DYRK1A: variants seen among roughly 807,000 people sequenced by gnomAD.
The protein encoded by DYRK1A is dual specificity tyrosine-phosphorylation-regulated kinase 1A.
DYRK1A carries 9 observed loss-of-function variants against 79.7 expected under a neutral mutation model. That is an observed-to-expected ratio of 0.11 (90% CI 0.07 to 0.20). The LOEUF (loss-of-function observed/expected upper bound fraction) is 0.20. Among genes scored for constraint, DYRK1A ranks in the 10% least tolerant of loss-of-function variants. The probability of loss-of-function intolerance (pLI) is 1.00; values close to 1 mark genes in which losing one functional copy is unlikely to be tolerated. For missense variants in DYRK1A, 622 were observed against 956.0 expected (o/e 0.65, Z 4.61); for synonymous variants, 349 against 329.7 (o/e 1.06, Z -0.63).
intron 2 of DYRK1A, among the ~76,000 whole-genome samples, chr21:37,453,216 T>A (rs9981091): frequency 0.29 from 43,649 of 152,072 alleles, 6,418 homozygotes; most frequent in South Asian, 0.38. Context: ...ATAAAAAAAA[T>A]TGAGGTATTT....
chr21:37,389,324 C>T (rs1208861163), intron 1 of DYRK1A, among the ~76,000 whole-genome samples: 6 of 151,002 alleles, frequency 4.0e-5, no homozygotes, highest in Non-Finnish European at 7.4e-5. Flanking sequence ...CCACCATGCC[C>T]GACTAATTTT....
intron 3 of DYRK1A, among the ~76,000 whole-genome samples, chr21:37,476,823 C>CA (rs1569358878): frequency 1.0e-5 from 1 of 99,542 alleles, no homozygotes. Flanking sequence ...AGGGTTCCCC[C>CA]CCCCCCCAAC....
chr21:37,447,318 A>G (rs1170057747), intron 2 of DYRK1A, among the ~76,000 whole-genome samples: 1 of 152,174 alleles, frequency 6.6e-6, no homozygotes, highest in African/African-American at 2.4e-5. Flanking sequence ...ATAAATAAAT[A>G]TATTTTATGA....
At chr21:37,405,831 G>A (rs913151008) in intron 1 of DYRK1A, among the ~76,000 whole-genome samples, 1 of 152,176 alleles carries the variant, frequency 6.6e-6, no homozygotes. Flanking sequence ...CACAGTGACA[G>A]CAAGCCTCAC....
chr21:37,425,427 A>G (rs1239041865), intron 2 of DYRK1A, among the ~76,000 whole-genome samples: 1 of 151,172 alleles, frequency 6.6e-6, no homozygotes, highest in Non-Finnish European at 1.5e-5. Context: ...GGAAGCAATT[A>G]ATAATGATTA....
intron 2 of DYRK1A, among the ~76,000 whole-genome samples, chr21:37,453,129 ACAAAG>A (rs2051513829): frequency 6.6e-6 from 1 of 152,188 alleles, no homozygotes; most frequent in African/African-American, 2.4e-5. Flanking sequence ...AGAAAAAAGT[ACAAAG>A]CAACAGTAAA....
intron 1 of DYRK1A, among the ~76,000 whole-genome samples, chr21:37,390,993 G>C (rs1333182475): frequency 6.6e-6 from 1 of 152,184 alleles, no homozygotes; most frequent in South Asian, 2.1e-4. Flanking sequence ...TGTGCGCCTG[G>C]TGTTTCCTCA....
intron 1 of DYRK1A, among the ~76,000 whole-genome samples, chr21:37,372,291 A>G (rs1016438992): frequency 2.0e-5 from 2 of 97,836 alleles, no homozygotes; most frequent in African/African-American, 9.8e-5. Flanking sequence ...AAACAAAACA[A>G]AACAAAAAAA....
intron 1 of DYRK1A, among the ~76,000 whole-genome samples, chr21:37,368,459 A>G (rs886317649): frequency 3.3e-5 from 5 of 152,070 alleles, no homozygotes; most frequent in Non-Finnish European, 5.9e-5. Flanking sequence ...TGAGTCAGTG[A>G]CTCTGGTTAC....
chr21:37,488,937 G>C, intron 6 of DYRK1A: 1 of 891,916 alleles, frequency 1.1e-6, no homozygotes, highest in Non-Finnish European at 1.3e-6. Flanking sequence ...TACATTCTTA[G>C]GTAACATTTA....
intron 1 of DYRK1A, among the ~76,000 whole-genome samples, chr21:37,372,280 A>G (rs2049446578): frequency 1.0e-5 from 1 of 99,316 alleles, no homozygotes; most frequent in Non-Finnish European, 2.1e-5. Flanking sequence ...CCTGTCTCAA[A>G]AAACAAAACA....
rs2053950919 is a variant in DYRK1A, at chr21:37,523,832, C to CG, written c.*11303dup. 6.6e-6 allele frequency: 1 copy of CG among 152,158 alleles called. No homozygotes were observed. The highest frequency in any genetic ancestry group is 2.1e-4 in the South Asian group (1 of 4,828). The allele number at this position is 152,158 out of a possible 1,614,324, so 9.4% of individuals were successfully genotyped here. ...ACCACATTCATTTGCAAGTTGTCCA[C>CG]GGCCACTTTGGTGCTACTGTGGCAG... On this transcript the variant is annotated 3_prime_UTR_variant, in exon 12 of 12. Transcript: ENST00000647188.
intron 1 of DYRK1A, among the ~76,000 whole-genome samples, chr21:37,411,049 TAAA>T (rs35292922): frequency 7.6e-4 from 43 of 56,440 alleles, no homozygotes; most frequent in African/African-American, 1.5e-3. Flanking sequence ...ATTCTGTCTT[TAAA>T]AAAAAAAAAA....
intron 5 of DYRK1A, among the ~76,000 whole-genome samples, chr21:37,484,253 C>G (rs1055823088): frequency 1.3e-5 from 2 of 152,076 alleles, no homozygotes; most frequent in African/African-American, 4.8e-5. Flanking sequence ...AAATTGACTG[C>G]TGCTCTAGAC....
chr21:37,421,516 G>T (rs2050475183), intron 2 of DYRK1A, among the ~76,000 whole-genome samples: 2 of 152,012 alleles, frequency 1.3e-5, no homozygotes, highest in African/African-American at 4.8e-5. Flanking sequence ...TACGTCAAAG[G>T]TGATTGAGCA....
At chr21:37,479,067 C>T (rs1034835442) in intron 4 of DYRK1A, among the ~76,000 whole-genome samples, 1 of 152,230 alleles carries the variant, frequency 6.6e-6, no homozygotes, top group Non-Finnish European at 1.5e-5. Context: ...GGGAGCCCTG[C>T]ACCCTTTCAT....
intron 2 of DYRK1A, among the ~76,000 whole-genome samples, chr21:37,446,563 A>G (rs1442450576): frequency 6.6e-6 from 1 of 151,458 alleles, no homozygotes; most frequent in Admixed American, 6.6e-5. Flanking sequence ...TCTACAATGT[A>G]TAGGCAGGTT....
chr21:37,414,760 C>G (rs2050305725), intron 1 of DYRK1A, among the ~76,000 whole-genome samples: 1 of 152,086 alleles, frequency 6.6e-6, no homozygotes, highest in African/African-American at 2.4e-5. Flanking sequence ...CCGAAAAGCT[C>G]TGTGGTTTGA....
intron 1 of DYRK1A, among the ~76,000 whole-genome samples, chr21:37,380,827 T>C (rs888568216): frequency 6.6e-6 from 1 of 152,162 alleles, no homozygotes; most frequent in African/African-American, 2.4e-5. Context: ...CTGGATGATC[T>C]GGCTCCAGCT....
Sources: gnomAD v4.1 joint callset for allele counts (sites outside exome capture counted in the v4.1 genomes callset) on GRCh38, gnomAD v4.1.1 for gene constraint, MANE v1.5 for transcripts, NCBI Gene and HGNC (gene_info 2026-07-23, HGNC 2026-07-21) for gene names.